Variants in RIMS2 observed in about 807,000 individuals in gnomAD.
RIMS2 encodes regulating synaptic membrane exocytosis 2.
RIMS2 carries 59 observed loss-of-function variants against 174.4 expected under a neutral mutation model. The ratio of observed to expected loss-of-function variants is 0.34; its 90% CI spans 0.27 to 0.42. RIMS2 has a LOEUF of 0.42. Ranked by LOEUF, RIMS2 falls within the 10% of genes least tolerant of loss-of-function variation. The pLI is 1.00. For missense variants in RIMS2, 1,620 were observed against 1,666.3 expected (o/e 0.97, Z 0.48); for synonymous variants, 606 against 572.5 (o/e 1.06, Z -0.84).
chr8:104,225,526 G>A (rs2099182063), intron 19 of RIMS2, among the ~76,000 whole-genome samples: 1 of 152,036 alleles, frequency 6.6e-6, no homozygotes, highest in Non-Finnish European at 1.5e-5. Context: ...TTCAGATAAG[G>A]TATCATCCTT....
chr8:103,602,305 T>A (rs970042876), intron 1 of RIMS2, among the ~76,000 whole-genome samples: 1 of 152,190 alleles, frequency 6.6e-6, no homozygotes, highest in African/African-American at 2.4e-5. Flanking sequence ...TTTAAAGTTA[T>A]GACTTTTATT....
intron 17 of RIMS2, among the ~76,000 whole-genome samples, chr8:104,001,150 A>G (rs2095369083): frequency 6.6e-6 from 1 of 151,898 alleles, no homozygotes; most frequent in South Asian, 2.1e-4. Context: ...GATAGAAGGA[A>G]TAAAATCTAG....
At chr8:103,967,478 A>G (rs2092204053) in intron 15 of RIMS2, among the ~76,000 whole-genome samples, 1 of 150,898 alleles carries the variant, frequency 6.6e-6, no homozygotes, top group African/African-American at 2.4e-5. Context: ...ATGGGCATGA[A>G]CCACCATGCC....
At chr8:104,132,878 C>T (rs1378619015) in intron 19 of RIMS2, among the ~76,000 whole-genome samples, 1 of 152,176 alleles carries the variant, frequency 6.6e-6, no homozygotes, top group Non-Finnish European at 1.5e-5. Context: ...TCTGCACCAT[C>T]TGCATCACCT....
At chr8:103,510,390 G>A (rs534780176) in intron 1 of RIMS2, among the ~76,000 whole-genome samples, 1 of 152,248 alleles carries the variant, frequency 6.6e-6, no homozygotes, top group East Asian at 1.9e-4. Context: ...CAATCTGAAA[G>A]AATTAATTAA....
At chr8:103,767,815 G>A (rs1362956196) in intron 3 of RIMS2, among the ~76,000 whole-genome samples, 1 of 152,146 alleles carries the variant, frequency 6.6e-6, no homozygotes, top group African/African-American at 2.4e-5. Flanking sequence ...TCCTATCTTT[G>A]GGGAAAACAA....
At chr8:103,755,584 G>T (rs918600395) in intron 2 of RIMS2, among the ~76,000 whole-genome samples, 1 of 152,084 alleles carries the variant, frequency 6.6e-6, no homozygotes, top group East Asian at 1.9e-4. Context: ...CATAGATTTG[G>T]TCTTTTCACA....
chr8:103,722,970 G>A (rs2097473461), intron 2 of RIMS2, among the ~76,000 whole-genome samples: 1 of 152,096 alleles, frequency 6.6e-6, no homozygotes, highest in South Asian at 2.1e-4. Context: ...CAATTAGCCG[G>A]GCATGGTGGG....
At chr8:104,067,713 C>T (rs2097129593) in intron 19 of RIMS2, among the ~76,000 whole-genome samples, 2 of 152,090 alleles carry the variant, frequency 1.3e-5, no homozygotes, top group Admixed American at 6.6e-5. Flanking sequence ...TTCCAAAATG[C>T]TTTTTCATGT....
chr8:103,734,611 G>A (rs1046749547), intron 2 of RIMS2, among the ~76,000 whole-genome samples: 11 of 151,572 alleles, frequency 7.3e-5, no homozygotes, highest in African/African-American at 1.5e-4. Flanking sequence ...TCTCAATTCC[G>A]CTGCCTTGGC....
intron 16 of RIMS2, among the ~76,000 whole-genome samples, chr8:103,981,489 G>T (rs189797032): frequency 6.6e-6 from 1 of 152,078 alleles, no homozygotes; most frequent in Non-Finnish European, 1.5e-5. Context: ...ACCAAAGACC[G>T]TCTATAAGCA....
intron 3 of RIMS2, among the ~76,000 whole-genome samples, chr8:103,789,473 C>T (rs577151827): frequency 6.6e-6 from 1 of 152,072 alleles, no homozygotes; most frequent in Non-Finnish European, 1.5e-5. Context: ...AAGGAGGGAC[C>T]TTAATCACAT....
At chr8:103,783,681 G>C (rs1346935927) in intron 3 of RIMS2, among the ~76,000 whole-genome samples, 1 of 151,898 alleles carries the variant, frequency 6.6e-6, no homozygotes, top group Non-Finnish European at 1.5e-5. Flanking sequence ...GGGACATTTG[G>C]GTTGGTTCCA....
intron 3 of RIMS2, among the ~76,000 whole-genome samples, chr8:103,771,160 G>A (rs1441062514): frequency 1.3e-5 from 2 of 152,134 alleles, no homozygotes; most frequent in Non-Finnish European, 2.9e-5. Context: ...CTAAACCTTA[G>A]CGTTGAGTAG....
At chr8:103,675,345 A>G (rs958417183) in intron 1 of RIMS2, among the ~76,000 whole-genome samples, 2 of 152,220 alleles carry the variant, frequency 1.3e-5, no homozygotes, top group African/African-American at 4.8e-5. Context: ...TATTAGGTGT[A>G]GAACTCAGAA....
Position 103,613,940 on chromosome 8 carries a change from T to A in RIMS2, c.177-83146T>A, listed in dbSNP as rs75585260. 6.1e-3 allele frequency among the ~76,000 whole-genome samples: 931 copies of A among 152,286 alleles called. 13 individuals are homozygous for A. The highest frequency in any genetic ancestry group is 0.021 in the African/African-American group (880 of 41,538). On this transcript the variant is annotated intron_variant, in intron 1 of 23. Transcript: ENST00000504942. ...GGTTCAAGACAAATTTCTTTTTACTTTTCTCTCTCTGCCTGTTAAGCATCA... is the reference window on the plus strand; with the variant it reads ...GGTTCAAGACAAATTTCTTTTTACTATTCTCTCTCTGCCTGTTAAGCATCA...
Position 103,520,430 on chromosome 8 carries a change from A to G in RIMS2, c.176+19368A>G, listed in dbSNP as rs183935719. Among the ~76,000 whole-genome samples, 14 of 152,218 alleles carry G rather than the reference A, an allele frequency of 9.2e-5. No individual in the cohort carries two copies. The East Asian group carries it at 2.7e-3, about 29-fold the overall frequency. On this transcript the variant is annotated intron_variant, in intron 1 of 23. Coordinates refer to ENST00000504942, the Ensembl canonical transcript of RIMS2. Reference sequence around the variant, plus strand: ...TTTGTCCTTGAACATTATCTTTACTAGAGAGTTTTTGAGATTGTTGATAAC... The same window carrying G: ...TTTGTCCTTGAACATTATCTTTACTGGAGAGTTTTTGAGATTGTTGATAAC...
chr8:103,599,661 G>A lies in RIMS2; in HGVS notation c.177-97425G>A, dbSNP rs943717803. 2.0e-5 allele frequency among the ~76,000 whole-genome samples: 3 copies of A among 151,748 alleles called. No homozygotes were observed. In the East Asian group the frequency reaches 5.8e-4, roughly 29 times the overall value. ...AGACGAGACCTCACTATACTACCCA[G>A]GCTGGTCTTGAACTTCTAGGCTCAA... On this transcript the variant is annotated intron_variant, in intron 1 of 23. Transcript: ENST00000504942.
chr8:104,254,951 A>G (rs1032148114), downstream of RIMS2: 1 of 152,162 alleles, frequency 6.6e-6, no homozygotes, highest in Non-Finnish European at 1.5e-5. Flanking sequence ...ACGTGTGGAT[A>G]TGAATGGGTG....
Sources: allele counts gnomAD v4.1 joint callset (sites outside exome capture counted in the v4.1 genomes callset), GRCh38; gene constraint gnomAD v4.1.1; transcripts MANE v1.5; gene names NCBI Gene and HGNC (gene_info 2026-07-23, HGNC 2026-07-21).